Variants in SKA2 observed in about 807,000 individuals in gnomAD.
SKA2 encodes spindle and kinetochore-associated protein 2.
SKA2 carries 13 observed loss-of-function variants against 16.9 expected under a neutral mutation model. That is an observed-to-expected ratio of 0.77 (90% confidence interval 0.50 to 1.22). The LOEUF (loss-of-function observed/expected upper bound fraction) is 1.22. Ranked by LOEUF, SKA2 falls within the 50% of genes most tolerant of loss-of-function variation. The pLI, the probability that SKA2 is intolerant of heterozygous loss-of-function variation, is 0.00. For synonymous variants in SKA2, 47 were observed against 48.5 expected, an observed-to-expected ratio of 0.97 and a Z score of 0.13; for missense variants, 107 against 139.7, an observed-to-expected ratio of 0.77 and a Z score of 1.18.
At position 59,124,145 on chromosome 17, in the gene SKA2, A is replaced by G. The variant is rs200730100; in HGVS notation, c.121-4650T>C. ...TATATTCAAGAATTTGACAAAAATA[A>G]AAGTTTAGGCCGGGGTGGTGACTCA... On this transcript the variant is annotated intron_variant, in intron 2 of 3. Transcript: ENST00000330137. Among the ~76,000 whole-genome samples, 9 of 152,302 alleles carry G rather than the reference A, an allele frequency of 5.9e-5. No individual in the cohort carries two copies. In the East Asian group the frequency reaches 1.5e-3, roughly 26 times the overall value.
intron 2 of SKA2, among the ~76,000 whole-genome samples, chr17:59,120,190 G>A (rs570033150): frequency 5.3e-4 from 81 of 152,270 alleles, no homozygotes; most frequent in African/African-American, 1.8e-3. Flanking sequence ...TTACAGGTGT[G>A]AGCCACTGCG....
At chr17:59,141,393 C>T (rs974053424) in intron 1 of SKA2, among the ~76,000 whole-genome samples, 3 of 151,752 alleles carry the variant, frequency 2.0e-5, no homozygotes, top group African/African-American at 7.3e-5. Context: ...AAGACTCTGT[C>T]TCTAAATAAA....
chr17:59,133,134 A>G (rs2046422341), intron 1 of SKA2, among the ~76,000 whole-genome samples: 1 of 152,094 alleles, frequency 6.6e-6, no homozygotes. Flanking sequence ...ATGCCATGGC[A>G]CCCAGCTAAT....
intron 2 of SKA2, among the ~76,000 whole-genome samples, chr17:59,125,628 G>A (rs1326595149): frequency 6.7e-6 from 1 of 148,968 alleles, no homozygotes; most frequent in Non-Finnish European, 1.5e-5. Context: ...TGAACCCAGT[G>A]AGCCGAGATC....
intron 2 of SKA2, among the ~76,000 whole-genome samples, chr17:59,121,793 C>CAAAA (rs758240217): frequency 1.5e-4 from 12 of 81,174 alleles, no homozygotes; most frequent in South Asian, 4.0e-4. Context: ...TACGAAAATA[C>CAAAA]AAAAAAAAAA....
intron 3 of SKA2, among the ~76,000 whole-genome samples, chr17:59,116,688 T>C (rs2046298312): frequency 6.6e-6 from 1 of 152,122 alleles, no homozygotes; most frequent in Non-Finnish European, 1.5e-5. Context: ...GCACTATTGG[T>C]TCCAATGAGA....
intron 1 of SKA2, among the ~76,000 whole-genome samples, chr17:59,154,486 T>C (rs1471706366): frequency 6.6e-6 from 1 of 152,150 alleles, no homozygotes; most frequent in Non-Finnish European, 1.5e-5. Flanking sequence ...GCCTTTCCTG[T>C]CTCAATCCCG....
At chr17:59,116,098 C>T (rs377305662) in intron 3 of SKA2, among the ~76,000 whole-genome samples, 6 of 152,148 alleles carry the variant, frequency 3.9e-5, no homozygotes, top group East Asian at 1.9e-4. Flanking sequence ...TATGAGGGCA[C>T]GGAGGCTCAC....
chr17:59,111,530 A>G lies in SKA2; in HGVS notation c.*747T>C, dbSNP rs929670091. ...CTCACGCAAAACTGGCAAGTAGCAG[A>G]TAAGTGCTCTTCTAATTTCAGTTTC... On this transcript the variant is annotated 3_prime_UTR_variant, in exon 4 of 4. Coordinates refer to ENST00000330137, the MANE Select transcript of SKA2 (RefSeq NM_182620.4). The G allele has an allele frequency of 5.9e-5, 9 of 152,236 alleles. No homozygotes were observed. The highest frequency in any genetic ancestry group is 2.2e-4 in the African/African-American group (9 of 41,472). 9.4% of individuals were successfully genotyped at this position (152,236 alleles called of 1,614,324 possible).
chr17:59,124,825 A>G (rs755487406), intron 2 of SKA2, among the ~76,000 whole-genome samples: 4 of 152,174 alleles, frequency 2.6e-5, no homozygotes, highest in Non-Finnish European at 4.4e-5. Context: ...CATGGCAGTG[A>G]GTAATTTAGG....
chr17:59,147,688 T>TGCTGGTCTCG (rs2046543980), intron 1 of SKA2, among the ~76,000 whole-genome samples: 2 of 151,736 alleles, frequency 1.3e-5, no homozygotes, highest in Admixed American at 6.6e-5. Flanking sequence ...GGTCTCGAAC[T>TGCTGGTCTCG]ACTGGGCTCA....
At chr17:59,133,100 G>A (rs1014010087) in intron 1 of SKA2, among the ~76,000 whole-genome samples, 4 of 152,052 alleles carry the variant, frequency 2.6e-5, no homozygotes, top group African/African-American at 4.8e-5. Context: ...ACCTCCTTCC[G>A]AGTGCACCTG....
chr17:59,115,707 C>T (rs1479530166), intron 3 of SKA2, among the ~76,000 whole-genome samples: 3 of 152,190 alleles, frequency 2.0e-5, no homozygotes, highest in African/African-American at 7.2e-5. Flanking sequence ...AATCGTCCCA[C>T]CTCAGCCTCC....
intron 1 of SKA2, 120 bp from the exon 2 acceptor site, chr17:59,131,487 A>T (rs1011469932): frequency 9.4e-6 from 5 of 533,872 alleles, no homozygotes; most frequent in Middle Eastern, 3.9e-4. Flanking sequence ...TACTCATTTG[A>T]AAATGTGGAA....
intron 2 of SKA2, among the ~76,000 whole-genome samples, chr17:59,129,123 T>G (rs991870826): frequency 1.5e-4 from 23 of 151,994 alleles, no homozygotes; most frequent in African/African-American, 5.6e-4. Flanking sequence ...CCAAGGCAGG[T>G]AGATCGCTTG....
At chr17:59,140,416 A>T (rs937982624) in intron 1 of SKA2, among the ~76,000 whole-genome samples, 23 of 151,436 alleles carry the variant, frequency 1.5e-4, no homozygotes, top group African/African-American at 5.3e-4. Context: ...TTTAGTAGAG[A>T]CGGGGTTTCA....
intron 1 of SKA2, among the ~76,000 whole-genome samples, chr17:59,139,363 C>T (rs990916638): frequency 4.2e-5 from 6 of 142,298 alleles, no homozygotes; most frequent in Non-Finnish European, 7.5e-5. Context: ...CGCCACTGCA[C>T]TCCAGCCTGG....
intron 2 of SKA2, among the ~76,000 whole-genome samples, chr17:59,121,793 CAAAAAAAAAAAA>C (rs758240217): frequency 1.2e-4 from 10 of 81,174 alleles, no homozygotes; most frequent in East Asian, 4.2e-4. Flanking sequence ...TACGAAAATA[CAAAAAAAAAAAA>C]AAAAAAAAAA....
intron 1 of SKA2, among the ~76,000 whole-genome samples, chr17:59,147,322 A>G (rs1375805049): frequency 6.6e-6 from 1 of 151,650 alleles, no homozygotes; most frequent in Non-Finnish European, 1.5e-5. Context: ...CCAAAGAGGA[A>G]AGCAGCTGCG....
Sources: allele counts gnomAD v4.1 joint callset (sites outside exome capture counted in the v4.1 genomes callset), GRCh38; gene constraint gnomAD v4.1.1; transcripts MANE v1.5; gene names NCBI Gene and HGNC (gene_info 2026-07-23, HGNC 2026-07-21).